SMPD3: variants seen among roughly 807,000 people sequenced by gnomAD.
SMPD3 encodes sphingomyelin phosphodiesterase 3.
Under a neutral mutation model 55.7 loss-of-function variants are expected in SMPD3, and 21 were observed. That is an observed-to-expected ratio of 0.38 (90% CI 0.27 to 0.54). SMPD3 has a LOEUF of 0.54. SMPD3 is among the 20% of genes least tolerant of loss of function. The pLI, the probability that SMPD3 is intolerant of heterozygous loss-of-function variation, is 0.80. For synonymous variants in SMPD3, 457 were observed against 404.3 expected (o/e 1.13, Z -1.56); for missense variants, 842 against 899.6 (o/e 0.94, Z 0.82).
intron 2 of SMPD3, among the ~76,000 whole-genome samples, chr16:68,384,314 A>T (rs558122059): frequency 6.6e-6 from 1 of 152,364 alleles, no homozygotes; most frequent in Admixed American, 6.5e-5. Context: ...CCCTTCATCA[A>T]AACTCAGCCA....
At chr16:68,366,311 C>T (rs936037552) in intron 3 of SMPD3, among the ~76,000 whole-genome samples, 1 of 152,228 alleles carries the variant, frequency 6.6e-6, no homozygotes, top group African/African-American at 2.4e-5. Flanking sequence ...TCCATCTGGA[C>T]GTCCTCAGCA....
At chr16:68,390,575 C>A (rs571089132) in intron 1 of SMPD3, among the ~76,000 whole-genome samples, 2 of 152,144 alleles carry the variant, frequency 1.3e-5, no homozygotes, top group Non-Finnish European at 2.9e-5. Context: ...GTGGGAAGAT[C>A]GCTGGAGCCC....
intron 1 of SMPD3, among the ~76,000 whole-genome samples, chr16:68,400,505 G>T (rs963794886): frequency 6.6e-6 from 1 of 152,222 alleles, no homozygotes; most frequent in Admixed American, 6.5e-5. Flanking sequence ...ACAGAAGCTG[G>T]CCCATGGGTT....
intron 1 of SMPD3, among the ~76,000 whole-genome samples, chr16:68,426,895 C>A (rs916677028): frequency 6.6e-6 from 1 of 151,620 alleles, no homozygotes; most frequent in African/African-American, 2.4e-5. Context: ...CCACGTAGGT[C>A]AATATGGTTA....
intron 2 of SMPD3, among the ~76,000 whole-genome samples, chr16:68,372,642 T>C (rs952406486): frequency 6.6e-6 from 1 of 152,218 alleles, no homozygotes; most frequent in Non-Finnish European, 1.5e-5. Flanking sequence ...ATCTTGACCT[T>C]GTAACCCAAT....
intron 1 of SMPD3, among the ~76,000 whole-genome samples, chr16:68,422,101 C>G (rs180952098): frequency 1.3e-5 from 2 of 152,334 alleles, no homozygotes; most frequent in East Asian, 3.9e-4. Context: ...TAGGCAGGCT[C>G]TAGAAGTTAG....
chr16:68,362,596 GCAAAGGCCGC>G (rs1232302542), intron 7 of SMPD3, among the ~76,000 whole-genome samples: 1 of 152,250 alleles, frequency 6.6e-6, no homozygotes, highest in Non-Finnish European at 1.5e-5. Flanking sequence ...GAGAGACCCT[GCAAAGGCCGC>G]CAGGTCTGTG....
chr16:68,434,113 T>C (rs2090501722), intron 1 of SMPD3, among the ~76,000 whole-genome samples: 1 of 152,228 alleles, frequency 6.6e-6, no homozygotes, highest in African/African-American at 2.4e-5. Context: ...CATGAATTTA[T>C]GGCTTTTAAA....
At chr16:68,361,355 G>A (rs763452652) in intron 8 of SMPD3, 48 bp from the exon 9 acceptor site, 4 of 1,562,574 alleles carry the variant, frequency 2.6e-6, no homozygotes, top group Non-Finnish European at 3.5e-6. Context: ...GATTCCAAGG[G>A]CATCTTGCAG....
chr16:68,384,908 C>T (rs71395858), intron 2 of SMPD3, among the ~76,000 whole-genome samples: 6,238 of 152,208 alleles, frequency 0.041, 146 homozygotes, highest in Middle Eastern at 0.13. Flanking sequence ...AGGCCACCTG[C>T]GGCCTGCTTG....
intron 1 of SMPD3, among the ~76,000 whole-genome samples, chr16:68,438,874 C>G (rs770947388): frequency 2.0e-5 from 3 of 152,192 alleles, no homozygotes; most frequent in Non-Finnish European, 2.9e-5. Context: ...AGAACAGGCT[C>G]TGCAGTCAGA....
chr16:68,409,489 C>T (rs925923170), intron 1 of SMPD3, among the ~76,000 whole-genome samples: 3 of 152,172 alleles, frequency 2.0e-5, no homozygotes, highest in Non-Finnish European at 4.4e-5. Flanking sequence ...CTGAAGTGGG[C>T]ATTTTAACAG....
intron 1 of SMPD3, among the ~76,000 whole-genome samples, chr16:68,401,490 G>A (rs769449139): frequency 2.0e-5 from 3 of 152,002 alleles, no homozygotes; most frequent in Non-Finnish European, 4.4e-5. Context: ...GCGTAAGTGG[G>A]ATGTTACAGG....
chr16:68,420,305 G>A (rs542699782), intron 1 of SMPD3, among the ~76,000 whole-genome samples: 11 of 152,152 alleles, frequency 7.2e-5, no homozygotes, highest in East Asian at 3.9e-4. Flanking sequence ...TTTGAACTTC[G>A]CAATCCTATA....
chr16:68,386,437 G>A (rs749213273), intron 2 of SMPD3, among the ~76,000 whole-genome samples, 161 bp downstream of exon 2: 8 of 152,160 alleles, frequency 5.3e-5, no homozygotes, highest in Non-Finnish European at 1.2e-4. Context: ...TTACCCCAGA[G>A]CTGTGGTTTT....
At chr16:68,413,187 G>C (rs1229353610) in intron 1 of SMPD3, among the ~76,000 whole-genome samples, 11 of 152,216 alleles carry the variant, frequency 7.2e-5, no homozygotes, top group Non-Finnish European at 1.6e-4. Flanking sequence ...CAGGGTGGTG[G>C]TGATGGCTGT....
At chr16:68,396,342 C>A (rs2090157144) in intron 1 of SMPD3, among the ~76,000 whole-genome samples, 1 of 152,230 alleles carries the variant, frequency 6.6e-6, no homozygotes, top group African/African-American at 2.4e-5. Context: ...AGTGACCAGG[C>A]CCTGCCCTCC....
At chr16:68,387,467 C>A (rs2090067788) in intron 1 of SMPD3, among the ~76,000 whole-genome samples, 2 of 152,182 alleles carry the variant, frequency 1.3e-5, no homozygotes, top group African/African-American at 4.8e-5. Context: ...AGTCCCCGCC[C>A]TTGCCCACTA....
intron 1 of SMPD3, among the ~76,000 whole-genome samples, chr16:68,439,988 G>A (rs1239638871): frequency 6.6e-6 from 1 of 152,206 alleles, no homozygotes; most frequent in Admixed American, 6.5e-5. Context: ...TCCCAGGAAA[G>A]AGCCTCATGT....
Sources: allele counts gnomAD v4.1 joint callset (sites outside exome capture counted in the v4.1 genomes callset), GRCh38; gene constraint gnomAD v4.1.1; transcripts MANE v1.5; gene names NCBI Gene and HGNC (gene_info 2026-07-23, HGNC 2026-07-21).